The following TRDN variants were observed in gnomAD, a reference collection of about 807,000 sequenced individuals.
TRDN encodes triadin in skeletal muscle.
Under a neutral mutation model 149.7 loss-of-function variants are expected in TRDN, and 161 were observed. That is an observed-to-expected ratio of 1.08 (90% CI 0.95 to 1.23). The LOEUF (loss-of-function observed/expected upper bound fraction) is 1.23. Ranked by LOEUF, TRDN falls within the 50% of genes most tolerant of loss-of-function variation. TRDN has a pLI of 0.00. For synonymous variants in TRDN, 294 were observed against 250.5 expected (o/e 1.17, Z -1.64); for missense variants, 896 against 823.5 (o/e 1.09, Z -1.08).
At chr6:123,296,413 A>G (rs1212312851) in intron 24 of TRDN, among the ~76,000 whole-genome samples, 1 of 152,162 alleles carries the variant, frequency 6.6e-6, no homozygotes, top group Non-Finnish European at 1.5e-5. Flanking sequence ...AGGGGGATGC[A>G]AGAAAATATC....
At chr6:123,431,442 T>A (rs781390061) in intron 12 of TRDN, among the ~76,000 whole-genome samples, 1 of 152,194 alleles carries the variant, frequency 6.6e-6, no homozygotes, top group Non-Finnish European at 1.5e-5. Flanking sequence ...TCAAATATCC[T>A]GAAAAAATTT....
intron 19 of TRDN, among the ~76,000 whole-genome samples, chr6:123,373,002 C>A (rs6911122): frequency 0.32 from 49,057 of 151,930 alleles, 8,617 homozygotes; most frequent in East Asian, 0.72. Context: ...CTTTCTTCAT[C>A]CACACCACAC....
chr6:123,293,889 G>T (rs140586494), intron 24 of TRDN, among the ~76,000 whole-genome samples: 4 of 152,134 alleles, frequency 2.6e-5, no homozygotes, highest in African/African-American at 9.6e-5. Context: ...TAAGACCCAC[G>T]AATACCAGAA....
intron 2 of TRDN, among the ~76,000 whole-genome samples, chr6:123,569,225 C>T (rs1782438036): frequency 6.6e-6 from 1 of 152,220 alleles, no homozygotes; most frequent in Admixed American, 6.5e-5. Flanking sequence ...ACATGCATCA[C>T]CTTTGATCCA....
At chr6:123,304,703 C>T (rs1434433985) in intron 24 of TRDN, among the ~76,000 whole-genome samples, 1 of 152,026 alleles carries the variant, frequency 6.6e-6, no homozygotes, top group African/African-American at 2.4e-5. Flanking sequence ...GCATTAAACA[C>T]AGGTTTCTGA....
chr6:123,337,120 G>A (rs1203228649), intron 22 of TRDN, among the ~76,000 whole-genome samples: 5 of 151,954 alleles, frequency 3.3e-5, no homozygotes, highest in Non-Finnish European at 7.4e-5. Context: ...ACTAACGCAG[G>A]CAGAATATGC....
intron 5 of TRDN, among the ~76,000 whole-genome samples, chr6:123,527,466 T>A (rs1214682082): frequency 6.6e-6 from 1 of 151,956 alleles, no homozygotes; most frequent in Admixed American, 6.6e-5. Flanking sequence ...GTTTTAAATA[T>A]GATTATATTC....
intron 1 of TRDN, among the ~76,000 whole-genome samples, chr6:123,633,959 A>G (rs61118369): frequency 9.2e-5 from 14 of 151,986 alleles, no homozygotes; most frequent in Non-Finnish European, 1.5e-4. Flanking sequence ...TTGTCTTCCC[A>G]AAACTTGAGA....
At chr6:123,242,137 A>G (rs988549803) in intron 38 of TRDN, among the ~76,000 whole-genome samples, 1 of 151,840 alleles carries the variant, frequency 6.6e-6, no homozygotes, top group African/African-American at 2.4e-5. Flanking sequence ...CGGTTGAAAA[A>G]CCTTCCCGCA....
At chr6:123,524,669 A>T (rs918349939) in intron 5 of TRDN, among the ~76,000 whole-genome samples, 1 of 152,122 alleles carries the variant, frequency 6.6e-6, no homozygotes, top group African/African-American at 2.4e-5. Flanking sequence ...AAAACAAAAG[A>T]ACTCATCTTG....
chr6:123,377,727 T>TTC lies in TRDN; in HGVS notation c.1233_1234dup (p.Lys412ArgfsTer12), dbSNP rs778198100. On this transcript the variant is annotated frameshift_variant, in exon 18 of 41. Coordinates refer to ENST00000334268, the MANE Select transcript of TRDN (RefSeq NM_006073.4). LOFTEE classifies it high-confidence loss of function. Reference sequence around the variant, plus strand: ...GTGGTCTTACTCACCTGAGTGTTCTTTCTTTGGTGACTTTGCTGTATCAAA... The same window carrying TTC: ...GTGGTCTTACTCACCTGAGTGTTCTTTCTCTTTGGTGACTTTGCTGTATCAAA... 9 of 1,613,158 alleles carry TTC rather than the reference T, an allele frequency of 5.6e-6. No individual in the cohort carries two copies. In the African/African-American group the frequency reaches 6.7e-5, roughly 12 times the overall value.
chr6:123,505,136 C>A (rs534870057), intron 7 of TRDN, among the ~76,000 whole-genome samples: 1 of 149,790 alleles, frequency 6.7e-6, no homozygotes, highest in East Asian at 2.0e-4. Context: ...CCCAGCTACT[C>A]AGGAGGCTGA....
intron 8 of TRDN, among the ~76,000 whole-genome samples, chr6:123,501,276 A>G (rs971026015): frequency 6.6e-6 from 1 of 152,088 alleles, no homozygotes; most frequent in Non-Finnish European, 1.5e-5. Context: ...AAGTGAGTAA[A>G]GGACCTATGA....
chr6:123,586,083 G>C (rs1346363947), intron 1 of TRDN, among the ~76,000 whole-genome samples: 2 of 152,222 alleles, frequency 1.3e-5, no homozygotes, highest in Middle Eastern at 3.4e-3. Flanking sequence ...GTCATGAACT[G>C]GGCTGGGTTT....
At chr6:123,482,548 C>T (rs1777793406) in intron 9 of TRDN, among the ~76,000 whole-genome samples, 1 of 152,100 alleles carries the variant, frequency 6.6e-6, no homozygotes, top group Non-Finnish European at 1.5e-5. Flanking sequence ...TTTATAATCA[C>T]ATAAAAATAA....
chr6:123,262,618 C>T (rs556494085), intron 33 of TRDN, among the ~76,000 whole-genome samples: 2 of 152,172 alleles, frequency 1.3e-5, no homozygotes, highest in South Asian at 4.1e-4. Flanking sequence ...TCAGGTATCA[C>T]ATTTTTTACA....
At chr6:123,331,592 A>G (rs952545008) in intron 23 of TRDN, among the ~76,000 whole-genome samples, 2 of 152,038 alleles carry the variant, frequency 1.3e-5, no homozygotes, top group African/African-American at 4.8e-5. Flanking sequence ...TTGGATATTT[A>G]TAAAATGTAG....
intron 24 of TRDN, among the ~76,000 whole-genome samples, chr6:123,307,238 T>C (rs532876419): frequency 4.9e-4 from 75 of 152,178 alleles, no homozygotes; most frequent in African/African-American, 1.5e-3. Flanking sequence ...TAATTTATCT[T>C]TTCATTATTC....
At chr6:123,377,659 G>A (rs1214184961) in intron 18 of TRDN, 57 bp downstream of exon 18, 1 of 1,601,236 alleles carries the variant, frequency 6.2e-7, no homozygotes, top group East Asian at 2.2e-5. Flanking sequence ...TGAGGCTACA[G>A]CATTAATAAA....
Sources: allele counts gnomAD v4.1 joint callset (sites outside exome capture counted in the v4.1 genomes callset), GRCh38; gene constraint gnomAD v4.1.1; transcripts MANE v1.5; gene names NCBI Gene and HGNC (gene_info 2026-07-23, HGNC 2026-07-21).